Variants in PXYLP1 observed in about 807,000 individuals in gnomAD.
The protein encoded by PXYLP1 is 2-phosphoxylose phosphatase 1, also known as acid phosphatase-like 2.
PXYLP1 carries 17 observed loss-of-function variants against 37.9 expected under a neutral mutation model. The observed-to-expected ratio is 0.45, with a 90% confidence interval of 0.31 to 0.67. The LOEUF (loss-of-function observed/expected upper bound fraction) is 0.67, where lower values mean the gene tolerates loss of function less well. PXYLP1 is among the 30% of genes least tolerant of loss of function. The pLI, the probability that PXYLP1 is intolerant of heterozygous loss-of-function variation, is 0.07. For missense variants in PXYLP1, 511 were observed against 612.0 expected (o/e 0.84, Z 1.74); for synonymous variants, 221 against 232.2 (o/e 0.95, Z 0.44).
chr3:141,249,243 GGGTCTTGCCAAAGCTCTGTA>G (rs930736678), intron 1 of PXYLP1, among the ~76,000 whole-genome samples: 8 of 152,230 alleles, frequency 5.3e-5, no homozygotes, highest in African/African-American at 1.9e-4. Context: ...AGTGAGAACA[GGGTCTTGCCAAAGCTCTGTA>G]GGTAAGTGTG....
chr3:141,252,957 G>A (rs570859353), intron 1 of PXYLP1, among the ~76,000 whole-genome samples: 1 of 152,296 alleles, frequency 6.6e-6, no homozygotes, highest in South Asian at 2.1e-4. Flanking sequence ...GGAGGCCTCT[G>A]GGCCTGTTCC....
At chr3:141,243,429 C>T (rs1940861268) in intron 1 of PXYLP1, among the ~76,000 whole-genome samples, 2 of 152,246 alleles carry the variant, frequency 1.3e-5, no homozygotes, top group Non-Finnish European at 2.9e-5. Context: ...GGCTCCAGCC[C>T]TCCTCCACCC....
At chr3:141,250,336 AT>A (rs1255319594) in intron 1 of PXYLP1, among the ~76,000 whole-genome samples, 21 of 152,342 alleles carry the variant, frequency 1.4e-4, no homozygotes, top group Admixed American at 1.4e-3. Flanking sequence ...TTTAAAAATA[AT>A]TTTTTAGAAT....
intron 1 of PXYLP1, among the ~76,000 whole-genome samples, chr3:141,239,345 G>T (rs1940739189): frequency 1.3e-5 from 2 of 152,206 alleles, no homozygotes; most frequent in African/African-American, 4.8e-5. Flanking sequence ...GAAGGTCATG[G>T]CATGGATGGT....
chr3:141,245,045 C>CTTTTTT lies in PXYLP1; in HGVS notation c.-54+13151_-54+13156dup, dbSNP rs10546747. Among the ~76,000 whole-genome samples, 20 of 106,164 alleles carry CTTTTTT rather than the reference C, an allele frequency of 1.9e-4. 1 individual carries two copies. The highest frequency in any genetic ancestry group is 3.4e-4 in the African/African-American group (10 of 29,490). The allele number at this position is 106,164 out of a possible 152,430, so 69.6% of individuals were successfully genotyped here. A position where few individuals can be genotyped will look rare whatever the true frequency, so the allele number is the denominator to read the frequency against. On this transcript the variant is annotated intron_variant, in intron 1 of 5. Coordinates refer to ENST00000286353, the MANE Select transcript of PXYLP1 (RefSeq NM_001037172.3). ...AAAGGTAAGAAATGCCACTAACTCC[C>CTTTTTT]TTTTTTTTTTTTTTTTTTTTTTGAG...
chr3:141,276,990 G>A (rs1941810285), intron 2 of PXYLP1, among the ~76,000 whole-genome samples: 1 of 152,026 alleles, frequency 6.6e-6, no homozygotes, highest in Non-Finnish European at 1.5e-5. Context: ...GTGTTTATTG[G>A]CCATTGGTAT....
At position 141,292,156 on chromosome 3, in the gene PXYLP1, A is replaced by G; in HGVS notation, c.506-112A>G. 1.0e-6 allele frequency: 1 copy of G among 996,656 alleles called. No individual in the cohort carries two copies. Among genetic ancestry groups the G allele is most frequent in the Non-Finnish European group, 1.5e-6 (1 of 671,374 alleles). The allele number at this position is 996,656 out of a possible 1,614,324, so 61.7% of individuals were successfully genotyped here. ...TCCACACCATGGGGAAACAGGCTGGATGCCATTCTCTTGCCCTAAAACACT... is the reference window on the plus strand; with the variant it reads ...TCCACACCATGGGGAAACAGGCTGGGTGCCATTCTCTTGCCCTAAAACACT... On this transcript the variant is annotated intron_variant, in intron 5 of 5. Transcript: ENST00000286353. This position sits in a 1 kb window ranked among gnomAD's most constrained non-coding sequence, Gnocchi z 4.3.
chr3:141,245,199 G>A (rs566906745), intron 1 of PXYLP1, among the ~76,000 whole-genome samples: 10 of 151,740 alleles, frequency 6.6e-5, no homozygotes, highest in South Asian at 4.2e-4. Flanking sequence ...ATAGGTGCCC[G>A]CCACCATGCC....
chr3:141,271,737 AGT>A (rs1285203237), intron 2 of PXYLP1, among the ~76,000 whole-genome samples: 1 of 152,218 alleles, frequency 6.6e-6, no homozygotes, highest in African/African-American at 2.4e-5. Context: ...CCACTGCAGA[AGT>A]GTCTTCCACA....
chr3:141,248,018 G>GTTTTTTTTT (rs200024544), intron 1 of PXYLP1, among the ~76,000 whole-genome samples: 13 of 62,376 alleles, frequency 2.1e-4, no homozygotes, highest in East Asian at 7.4e-4. Flanking sequence ...AAGAGTTTTT[G>GTTTTTTTTT]TTTTGTTTTT....
At chr3:141,264,115 T>G (rs1023194810) in intron 2 of PXYLP1, among the ~76,000 whole-genome samples, 1 of 151,454 alleles carries the variant, frequency 6.6e-6, no homozygotes, top group South Asian at 2.1e-4. Context: ...GGGCCCCGAT[T>G]GGCCAGAGCA....
intron 1 of PXYLP1, 157 bp downstream of exon 1, chr3:141,232,068 G>C (rs1335645942): frequency 2.6e-5 from 4 of 152,258 alleles, no homozygotes; most frequent in African/African-American, 9.7e-5. Flanking sequence ...GGGGCGCTTC[G>C]AAGCGTCGGG....
chr3:141,239,763 C>T (rs532107052), intron 1 of PXYLP1, among the ~76,000 whole-genome samples: 1 of 152,244 alleles, frequency 6.6e-6, no homozygotes, highest in Non-Finnish European at 1.5e-5. Flanking sequence ...TGCTCACACT[C>T]TCCTGGGACA....
intron 4 of PXYLP1, 57 bp downstream of exon 4, chr3:141,279,561 A>G: frequency 6.2e-7 from 1 of 1,600,904 alleles, no homozygotes. Context: ...CCTGTAGGAT[A>G]GAGAATGACA....
intron 2 of PXYLP1, chr3:141,274,298 C>T: frequency 7.4e-7 from 1 of 1,353,810 alleles, no homozygotes; most frequent in Non-Finnish European, 9.5e-7. Flanking sequence ...TCCCAGCCTT[C>T]CTCCTGGAGC....
chr3:141,262,822 G>A (rs1431885562), intron 2 of PXYLP1: 5 of 867,130 alleles, frequency 5.8e-6, no homozygotes, highest in Non-Finnish European at 9.1e-6. Context: ...TATACTGTAA[G>A]AAACAGCACT....
chr3:141,252,920 A>G (rs1283186032), intron 1 of PXYLP1, among the ~76,000 whole-genome samples: 1 of 152,080 alleles, frequency 6.6e-6, no homozygotes, highest in Non-Finnish European at 1.5e-5. Context: ...ATATCCTTCA[A>G]TATGTTGCCC....
intron 1 of PXYLP1, among the ~76,000 whole-genome samples, chr3:141,248,837 G>A (rs866239766): frequency 9.1e-6 from 1 of 110,204 alleles, no homozygotes; most frequent in African/African-American, 3.5e-5. Flanking sequence ...ACACACACGT[G>A]TATATATACA....
intron 1 of PXYLP1, among the ~76,000 whole-genome samples, chr3:141,257,180 A>G (rs1009043059): frequency 6.6e-6 from 1 of 152,172 alleles, no homozygotes; most frequent in Admixed American, 6.5e-5. Context: ...CATTTATTGT[A>G]TCAGTTAGCT....
Sources: allele counts gnomAD v4.1 joint callset (sites outside exome capture counted in the v4.1 genomes callset), GRCh38; gene constraint gnomAD v4.1.1; non-coding constraint Gnocchi (gnomAD v3.1); transcripts MANE v1.5; gene names NCBI Gene and HGNC (gene_info 2026-07-23, HGNC 2026-07-21).